The following CILK1 variants were observed in gnomAD, a reference collection of about 807,000 sequenced individuals.
The protein encoded by CILK1 is ciliogenesis associated kinase 1.
CILK1 carries 47 observed loss-of-function variants against 79.2 expected under a neutral mutation model. The observed-to-expected ratio is 0.59, with a 90% confidence interval of 0.47 to 0.76. CILK1 has a LOEUF of 0.76. CILK1 is among the 30% of genes least tolerant of loss of function. CILK1 has a pLI of 0.00. For synonymous variants in CILK1, 266 were observed against 275.9 expected, an observed-to-expected ratio of 0.96 and a Z score of 0.36; for missense variants, 660 against 769.5, an observed-to-expected ratio of 0.86 and a Z score of 1.68.
At chr6:53,020,683 T>C (rs1765175458) in intron 5 of CILK1, among the ~76,000 whole-genome samples, 4 of 152,170 alleles carry the variant, frequency 2.6e-5, no homozygotes, top group Admixed American at 2.6e-4. Context: ...TAAGAGATAC[T>C]CAATCTGTAT....
chr6:53,040,399 A>G (rs1469883391), intron 2 of CILK1, among the ~76,000 whole-genome samples: 3 of 152,226 alleles, frequency 2.0e-5, no homozygotes, highest in Non-Finnish European at 2.9e-5. Flanking sequence ...TGCTTTTTAG[A>G]TGCCCACATG....
intron 5 of CILK1, 93 bp from the exon 6 acceptor site, chr6:53,019,452 T>C: frequency 7.0e-7 from 1 of 1,423,662 alleles, no homozygotes; most frequent in African/African-American, 1.4e-5. Context: ...TAGTTATAAT[T>C]TAAAAAGTAG....
rs1764130120 is a variant in CILK1 at position 53,004,924 on chromosome 6, G to A, written c.*225C>T. ...TTGTTTAAGAAAATAATGGGACCCA[G>A]TTTTAGAATAAAATAATTTTATACA... On this transcript the variant is annotated 3_prime_UTR_variant, in exon 14 of 14. Transcript: ENST00000676107. 2.1e-6 allele frequency: 1 copy of A among 472,400 alleles called. No homozygotes were observed. The highest frequency in any genetic ancestry group is 3.2e-5 in the South Asian group (1 of 31,472). 29.3% of individuals were successfully genotyped at this position (472,400 alleles called of 1,614,324 possible). A position where few individuals can be genotyped will look rare whatever the true frequency, so the allele number is the denominator to read the frequency against.
At chr6:53,047,490 G>T (rs1767165057) in intron 1 of CILK1, among the ~76,000 whole-genome samples, 2 of 123,806 alleles carry the variant, frequency 1.6e-5, no homozygotes, top group East Asian at 2.4e-4. Flanking sequence ...TTTTTTAAGA[G>T]ATGAGGTCTC....
intron 8 of CILK1, 94 bp from the exon 9 acceptor site, chr6:53,014,076 C>T: frequency 2.0e-6 from 2 of 999,416 alleles, no homozygotes; most frequent in Non-Finnish European, 3.1e-6. Context: ...GACCAGTTTA[C>T]TACTGTTTCT....
intron 5 of CILK1, among the ~76,000 whole-genome samples, chr6:53,025,859 G>T (rs986174080): frequency 6.6e-6 from 1 of 152,182 alleles, no homozygotes; most frequent in Non-Finnish European, 1.5e-5. Context: ...ATACACATGA[G>T]ATCTATTCCT....
intron 5 of CILK1, among the ~76,000 whole-genome samples, chr6:53,023,079 G>A (rs768943741): frequency 3.3e-5 from 5 of 151,870 alleles, no homozygotes; most frequent in South Asian, 2.1e-4. Context: ...GACTACAGGC[G>A]CCTGCCACCA....
Position 53,019,322 on chromosome 6 carries a change from G to C in CILK1, c.396C>G (p.Leu132=), listed in dbSNP as rs1327044024. The C allele has an allele frequency of 6.8e-6, 11 of 1,614,010 alleles. No homozygotes were observed. Among genetic ancestry groups the C allele is most frequent in the Admixed American group, 1.7e-5 (1 of 60,010 alleles). ...FHRDLKPENL[L]CMGPELVKIA... is the part of the protein sequence containing the mutation. ...TTTTCACAAGTTCTGGTCCCATGCA[G>C]AGGAGGTTCTCAGGCTTTAAGTCTC... The change falls in exon 6 of 14, where the codon CTC becomes CTG. Residue 132 remains leucine (L), a synonymous_variant. Transcript: ENST00000676107.
rs1197999029 is a variant in CILK1 at position 53,032,548 on chromosome 6, T to C, written c.263A>G (p.Gln88Arg). The C allele has an allele frequency of 1.2e-6, 2 of 1,606,710 alleles. No individual in the cohort carries two copies. ...CAAACTGTACCTCTCTTTAATGAGC[T>C]GGTAAAGATTTTCCTTCATGTACTC... is the stretch of plus-strand genomic sequence containing the variant. ...IFEYMKENLY[Q>R]LIKERNKLFP... The change falls in exon 4 of 14, where the codon CAG becomes CGG. Residue 88 changes from glutamine to arginine, a missense_variant. Coordinates refer to ENST00000676107, the MANE Select transcript of CILK1 (RefSeq NM_014920.5).
chr6:53,017,158 C>G (rs956558543), intron 7 of CILK1, among the ~76,000 whole-genome samples: 1 of 152,036 alleles, frequency 6.6e-6, no homozygotes, highest in Non-Finnish European at 1.5e-5. Flanking sequence ...GCATTGGACT[C>G]AGGAAACTTT....
intron 1 of CILK1, among the ~76,000 whole-genome samples, chr6:53,056,477 TA>T (rs974775248): frequency 6.6e-5 from 10 of 152,210 alleles, no homozygotes; most frequent in African/African-American, 2.4e-4. Context: ...CAAATTTATT[TA>T]CAAAAACAGG....
At chr6:53,012,644 C>T (rs962046207) in intron 9 of CILK1, among the ~76,000 whole-genome samples, 2 of 151,978 alleles carry the variant, frequency 1.3e-5, no homozygotes, top group African/African-American at 4.8e-5. Flanking sequence ...TTTGCCTTCT[C>T]AGTATATATA....
intron 4 of CILK1, 90 bp downstream of exon 4, chr6:53,032,443 A>C (rs1165352951): frequency 2.7e-6 from 2 of 751,978 alleles, no homozygotes; most frequent in Non-Finnish European, 3.7e-6. Context: ...AAAAGAAAAA[A>C]AGGAGAGAAA....
intron 1 of CILK1, among the ~76,000 whole-genome samples, chr6:53,047,276 T>C (rs1767144820): frequency 6.6e-6 from 1 of 152,026 alleles, no homozygotes; most frequent in Non-Finnish European, 1.5e-5. Context: ...TGAACGAGTA[T>C]GTGTGTCATG....
At chr6:53,052,663 G>A (rs927726187) in intron 1 of CILK1, among the ~76,000 whole-genome samples, 6 of 151,876 alleles carry the variant, frequency 4.0e-5, no homozygotes, top group East Asian at 1.9e-4. Flanking sequence ...CCCAGGAGGC[G>A]GAGGTTGCAG....
At chr6:53,037,111 C>G (rs913774907) in intron 3 of CILK1, among the ~76,000 whole-genome samples, 3 of 152,218 alleles carry the variant, frequency 2.0e-5, no homozygotes, top group African/African-American at 7.2e-5. Context: ...TTTCAGTATT[C>G]TATTAGGTGT....
At chr6:53,020,472 T>C (rs945764146) in intron 5 of CILK1, among the ~76,000 whole-genome samples, 1 of 152,230 alleles carries the variant, frequency 6.6e-6, no homozygotes, top group Admixed American at 6.5e-5. Context: ...TATTCCCTAC[T>C]CTGAAAATTC....
intron 1 of CILK1, among the ~76,000 whole-genome samples, chr6:53,049,228 T>C (rs1767312512): frequency 6.6e-6 from 1 of 152,250 alleles, no homozygotes; most frequent in South Asian, 2.1e-4. Context: ...CCTGATACTA[T>C]GGGCTACACC....
intron 5 of CILK1, among the ~76,000 whole-genome samples, chr6:53,023,021 C>T (rs1052657981): frequency 6.6e-6 from 1 of 151,986 alleles, no homozygotes; most frequent in East Asian, 1.9e-4. Flanking sequence ...GCCAGCTCTG[C>T]CTCCTGGGTT....
Sources: gnomAD v4.1 joint callset for allele counts (sites outside exome capture counted in the v4.1 genomes callset) on GRCh38, gnomAD v4.1.1 for gene constraint, MANE v1.5 for transcripts, NCBI Gene and HGNC (gene_info 2026-07-23, HGNC 2026-07-21) for gene names.